Variants in SUSD1 observed in about 807,000 individuals in gnomAD.
The protein encoded by SUSD1 is sushi domain-containing protein 1.
A neutral mutation model predicts 86.9 loss-of-function variants in SUSD1; 65 were observed. The observed-to-expected ratio is 0.75, with a 90% CI of 0.61 to 0.92. The LOEUF (loss-of-function observed/expected upper bound fraction) is 0.92, where lower values mean the gene tolerates loss of function less well. Ranked by LOEUF, SUSD1 falls within the 40% of genes least tolerant of loss-of-function variation. The pLI, the probability that SUSD1 is intolerant of heterozygous loss-of-function variation, is 0.00. For missense variants in SUSD1, 850 were observed against 929.7 expected (o/e 0.91, Z 1.11); for synonymous variants, 346 against 350.0 (o/e 0.99, Z 0.13).
chr9:112,055,555 G>T (rs955668199), intron 14 of SUSD1, among the ~76,000 whole-genome samples: 1 of 152,192 alleles, frequency 6.6e-6, no homozygotes, highest in Non-Finnish European at 1.5e-5. Context: ...ACGCACTGCT[G>T]GTGGGAATGG....
chr9:112,116,957 T>C (rs1831351304), intron 6 of SUSD1, among the ~76,000 whole-genome samples: 1 of 152,060 alleles, frequency 6.6e-6, no homozygotes, highest in African/African-American at 2.4e-5. Context: ...CTGGCCAACA[T>C]GGCAAAAACA....
chr9:112,053,659 C>T (rs1452624362), intron 14 of SUSD1, among the ~76,000 whole-genome samples: 1 of 151,736 alleles, frequency 6.6e-6, no homozygotes, highest in Non-Finnish European at 1.5e-5. Context: ...GAACATATTT[C>T]AAGACACTGG....
At chr9:112,141,758 A>AAT (rs143251247) in intron 5 of SUSD1, among the ~76,000 whole-genome samples, 1 of 145,938 alleles carries the variant, frequency 6.9e-6, no homozygotes, top group African/African-American at 2.5e-5. Context: ...TGTAATATAT[A>AAT]ATATATAATA....
intron 6 of SUSD1, 132 bp from the exon 7 acceptor site, chr9:112,113,000 T>A (rs184355342): frequency 2.4e-4 from 151 of 631,456 alleles, no homozygotes; most frequent in Admixed American, 8.9e-4. Context: ...AGACACTGAG[T>A]CAGGCAATGC....
intron 6 of SUSD1, among the ~76,000 whole-genome samples, chr9:112,121,479 A>G (rs555847281): frequency 6.6e-6 from 1 of 152,330 alleles, no homozygotes; most frequent in South Asian, 2.1e-4. Context: ...TGTAAATTCC[A>G]AGAGGGTCAT....
chr9:112,143,485 G>T lies in SUSD1; in HGVS notation c.512C>A (p.Ala171Asp), dbSNP rs754950372. 3.8e-5 allele frequency: 61 copies of T among 1,613,210 alleles called. No individual in the cohort carries two copies. Among genetic ancestry groups the T allele is most frequent in the Non-Finnish European group, 4.6e-5 (54 of 1,179,790 alleles). Residue 171 changes from alanine (A) to aspartate (D), a missense_variant, in exon 4 of 17, where the codon GCC (alanine) becomes GAC (aspartate). Coordinates refer to ENST00000374270, the MANE Select transcript of SUSD1 (RefSeq NM_022486.5). The stretch of plus-strand genomic sequence containing the variant: ...CAGAAACCCACCTGTGCATGATGTG[G>T]CATCGGTGGTCGGGTGGAAAGGTTC... ...GPEPFHPTTD[A>D]TSCTEIDCGT...
intron 10 of SUSD1, among the ~76,000 whole-genome samples, chr9:112,095,629 G>A (rs1462661625): frequency 1.3e-5 from 2 of 152,148 alleles, no homozygotes; most frequent in Non-Finnish European, 2.9e-5. Context: ...AGACAAAAGG[G>A]AAAATCTCCT....
At chr9:112,144,190 A>G (rs1215087588) in intron 3 of SUSD1, among the ~76,000 whole-genome samples, 1 of 152,030 alleles carries the variant, frequency 6.6e-6, no homozygotes, top group East Asian at 1.9e-4. Flanking sequence ...CAGTGAGCCG[A>G]GATCACGCCA....
chr9:112,058,099 A>G (rs2118952549), intron 14 of SUSD1, among the ~76,000 whole-genome samples: 1 of 152,332 alleles, frequency 6.6e-6, no homozygotes, highest in South Asian at 2.1e-4. Context: ...TGGCAGGGGC[A>G]CAAGGAAGTT....
At position 112,113,118 on chromosome 9, in the gene SUSD1, T is replaced by G. The variant is rs142460105; in HGVS notation, c.887-250A>C. Among the ~76,000 whole-genome samples the G allele has an allele frequency of 2.3e-3, 343 of 152,270 alleles. 2 individuals are homozygous for G. Among genetic ancestry groups the G allele is most frequent in the Middle Eastern group, 6.8e-3 (2 of 294 alleles). ...TTCCAGCTTGGATATAGGTCAGAAT[T>G]CTAACCTGTGATTCACCTGACAGGC... On this transcript the variant is annotated intron_variant, in intron 6 of 16. Coordinates refer to ENST00000374270, the MANE Select transcript of SUSD1 (RefSeq NM_022486.5). The surrounding 1 kb of genome is among the most constrained non-coding windows in gnomAD (Gnocchi z 4.1).
At chr9:112,142,647 G>T in intron 4 of SUSD1, 148 bp from the exon 5 acceptor site, 1 of 696,050 alleles carries the variant, frequency 1.4e-6, no homozygotes. Context: ...ATGACTTCTG[G>T]GAACATTTCC....
chr9:112,138,623 T>C (rs577983260), intron 5 of SUSD1, among the ~76,000 whole-genome samples: 2 of 152,146 alleles, frequency 1.3e-5, no homozygotes, highest in Admixed American at 1.3e-4. Flanking sequence ...TAATTTGTTG[T>C]ATTTTTAGTA....
chr9:112,164,823 A>G (rs1833710672), intron 1 of SUSD1, among the ~76,000 whole-genome samples: 1 of 152,172 alleles, frequency 6.6e-6, no homozygotes, highest in Non-Finnish European at 1.5e-5. Context: ...CGGTGCCTGT[A>G]GTCCCAGTTA....
At chr9:112,168,296 T>C (rs1833906288) in intron 1 of SUSD1, among the ~76,000 whole-genome samples, 2 of 152,236 alleles carry the variant, frequency 1.3e-5, no homozygotes, top group Non-Finnish European at 2.9e-5. Flanking sequence ...TCAAGAGCGG[T>C]ATCTTTGTGC....
intron 15 of SUSD1, among the ~76,000 whole-genome samples, chr9:112,048,569 A>C (rs1828054734): frequency 6.6e-6 from 1 of 152,170 alleles, no homozygotes. Flanking sequence ...GTGCATTCTG[A>C]TTGAACACCT....
At chr9:112,096,265 C>T (rs943685802) in intron 10 of SUSD1, among the ~76,000 whole-genome samples, 8 of 152,268 alleles carry the variant, frequency 5.3e-5, no homozygotes, top group Middle Eastern at 3.4e-3. Context: ...ACCACTGTCC[C>T]CAGCTCTCTG....
intron 1 of SUSD1, among the ~76,000 whole-genome samples, chr9:112,165,060 A>G (rs921436083): frequency 3.3e-5 from 5 of 152,238 alleles, no homozygotes; most frequent in African/African-American, 1.2e-4. Context: ...TTGGATTTCT[A>G]AGAAGCTCAC....
chr9:112,109,387 A>G (rs771904709), intron 8 of SUSD1, among the ~76,000 whole-genome samples: 15 of 152,236 alleles, frequency 9.9e-5, no homozygotes, highest in Non-Finnish European at 1.8e-4. Flanking sequence ...GATCTAGAGG[A>G]AAAAAATGAC....
intron 10 of SUSD1, among the ~76,000 whole-genome samples, chr9:112,095,197 T>C (rs189274947): frequency 7.3e-4 from 111 of 152,100 alleles, no homozygotes; most frequent in African/African-American, 2.5e-3. Context: ...AAGTAATATG[T>C]GAGGAGAACA....
Sources: gnomAD v4.1 joint callset for allele counts (sites outside exome capture counted in the v4.1 genomes callset) on GRCh38, gnomAD v4.1.1 for gene constraint, Gnocchi (gnomAD v3.1) non-coding constraint, MANE v1.5 for transcripts, NCBI Gene and HGNC (gene_info 2026-07-23, HGNC 2026-07-21) for gene names.